The following CCNY variants were observed in gnomAD, a reference collection of about 807,000 sequenced individuals.
The protein encoded by CCNY is cyclin Y.
In CCNY, 19 loss-of-function variants were observed where a neutral mutation model predicts 42.8. The observed-to-expected ratio is 0.44, with a 90% CI of 0.31 to 0.65. The LOEUF (loss-of-function observed/expected upper bound fraction) is 0.65. Ranked by LOEUF, CCNY falls within the 30% of genes least tolerant of loss-of-function variation. The pLI, the probability that CCNY is intolerant of heterozygous loss-of-function variation, is 0.07. For synonymous variants in CCNY, 165 were observed against 162.7 expected (o/e 1.01, Z -0.11); for missense variants, 370 against 437.3 (o/e 0.85, Z 1.37).
intron 3 of CCNY, among the ~76,000 whole-genome samples, chr10:35,322,450 TAC>T (rs1835832425): frequency 6.6e-6 from 1 of 150,506 alleles, no homozygotes; most frequent in Non-Finnish European, 1.5e-5. Flanking sequence ...GATAATTGAA[TAC>T]ACACACACAA....
At chr10:35,534,976 T>C (rs28706360) in intron 7 of CCNY, among the ~76,000 whole-genome samples, 4,867 of 126,784 alleles carry the variant, frequency 0.038, 96 homozygotes, top group Admixed American at 0.067. Flanking sequence ...CACACACACA[T>C]ATATATATAT....
chr10:35,511,317 A>G (rs1399533689), intron 3 of CCNY, among the ~76,000 whole-genome samples: 2 of 152,180 alleles, frequency 1.3e-5, no homozygotes, highest in Non-Finnish European at 2.9e-5. Flanking sequence ...GACATATAGA[A>G]AAGTGAGCCA....
intron 2 of CCNY, among the ~76,000 whole-genome samples, chr10:35,499,174 C>T (rs1236790860): frequency 2.0e-5 from 3 of 151,980 alleles, no homozygotes; most frequent in East Asian, 1.9e-4. Context: ...TTTCACACTG[C>T]TGATAAAGAT....
chr10:35,378,939 G>C (rs957897763), intron 1 of CCNY, among the ~76,000 whole-genome samples: 2 of 152,186 alleles, frequency 1.3e-5, no homozygotes, highest in Non-Finnish European at 1.5e-5. Context: ...GAGAAGCTGA[G>C]ACAGAGGTTT....
At chr10:35,497,521 T>C (rs1840024993) in intron 2 of CCNY, among the ~76,000 whole-genome samples, 1 of 152,196 alleles carries the variant, frequency 6.6e-6, no homozygotes, top group African/African-American at 2.4e-5. Context: ...GTGGATCACT[T>C]GAGGTGAGGA....
At chr10:35,567,672 C>T (rs1467606140) in intron 9 of CCNY, among the ~76,000 whole-genome samples, 2 of 152,144 alleles carry the variant, frequency 1.3e-5, no homozygotes, top group Non-Finnish European at 2.9e-5. Flanking sequence ...GAGAAGAAAC[C>T]TGTTATGGAT....
intron 3 of CCNY, among the ~76,000 whole-genome samples, chr10:35,260,470 C>T (rs951076352): frequency 2.0e-5 from 3 of 152,264 alleles, no homozygotes; most frequent in East Asian, 3.9e-4. Flanking sequence ...TCTGGGACCC[C>T]GATCAGGGAT....
chr10:35,430,115 A>C (rs1231354195), intron 1 of CCNY, among the ~76,000 whole-genome samples: 1 of 151,788 alleles, frequency 6.6e-6, no homozygotes, highest in African/African-American at 2.4e-5. Context: ...AGGCGGGCGG[A>C]TCACGAGGTC....
chr10:35,412,417 A>G (rs1397382296), intron 1 of CCNY, among the ~76,000 whole-genome samples: 1 of 152,210 alleles, frequency 6.6e-6, no homozygotes, highest in African/African-American at 2.4e-5. Context: ...ATTGCTATAC[A>G]ACTTGACAGA....
At chr10:35,247,258 T>G (rs2095708653) in intron 1 of CCNY, 1 of 152,718 alleles carries the variant, frequency 6.5e-6, no homozygotes, top group African/African-American at 2.4e-5. Flanking sequence ...CCAGGAGACT[T>G]GAGAGGTCAG....
At chr10:35,306,691 C>T (rs1228079332) in intron 3 of CCNY, among the ~76,000 whole-genome samples, 14 of 152,192 alleles carry the variant, frequency 9.2e-5, no homozygotes, top group Non-Finnish European at 1.5e-5. Context: ...CCTTCTCCCA[C>T]ATGCCCTCTC....
At position 35,532,631 on chromosome 10, in the gene CCNY, A is replaced by G. The variant is rs12241755; in HGVS notation, c.579+2388A>G. On this transcript the variant is annotated intron_variant, in intron 7 of 9. Transcript: ENST00000374704. Reference sequence around the variant, plus strand: ...AGGAAATTTGAAAGGGAGTGAGGTAATTGATTTGCACCTTGATGAGTTATG... The same window carrying G: ...AGGAAATTTGAAAGGGAGTGAGGTAGTTGATTTGCACCTTGATGAGTTATG... 8.2e-3 allele frequency among the ~76,000 whole-genome samples: 1,253 copies of G among 152,318 alleles called. 22 individuals carry two copies. Among genetic ancestry groups the G allele is most frequent in the African/African-American group, 0.029 (1,197 of 41,556 alleles).
At chr10:35,266,539 C>G (rs770933327) in intron 3 of CCNY, among the ~76,000 whole-genome samples, 6 of 152,018 alleles carry the variant, frequency 3.9e-5, no homozygotes, top group Non-Finnish European at 8.8e-5. Context: ...TATTACTTCC[C>G]CATATAGAGG....
intron 4 of CCNY, among the ~76,000 whole-genome samples, 187 bp from the exon 5 acceptor site, chr10:35,525,777 A>G: frequency 6.6e-6 from 1 of 152,206 alleles, no homozygotes; most frequent in East Asian, 1.9e-4. Flanking sequence ...CCTGGGAATT[A>G]GTGCCACATT....
chr10:35,320,216 CTTAG>C (rs1401377393), intron 3 of CCNY, among the ~76,000 whole-genome samples: 1 of 152,034 alleles, frequency 6.6e-6, no homozygotes, highest in Non-Finnish European at 1.5e-5. Context: ...TGCAAACATC[CTTAG>C]TTAAATTTTT....
chr10:35,361,826 T>C (rs1036896911), intron 1 of CCNY, among the ~76,000 whole-genome samples: 6 of 152,148 alleles, frequency 3.9e-5, no homozygotes, highest in African/African-American at 1.2e-4. Flanking sequence ...GATCTGAAAA[T>C]CTGAAATCAG....
chr10:35,303,157 C>G (rs1236129921), intron 3 of CCNY, among the ~76,000 whole-genome samples: 2 of 152,104 alleles, frequency 1.3e-5, no homozygotes, highest in Non-Finnish European at 2.9e-5. Context: ...CCACTGCACT[C>G]CAGCATGGGT....
intron 1 of CCNY, among the ~76,000 whole-genome samples, chr10:35,421,474 G>A (rs1452456104): frequency 6.6e-6 from 1 of 152,088 alleles, no homozygotes; most frequent in African/African-American, 2.4e-5. Context: ...TAGAACCCCC[G>A]ACCCAGGGAA....
intron 3 of CCNY, among the ~76,000 whole-genome samples, chr10:35,512,639 G>A (rs1175209467): frequency 1.3e-5 from 2 of 152,144 alleles, no homozygotes; most frequent in Admixed American, 6.5e-5. Context: ...TGAAGAAGCC[G>A]AGGGACTAAT....
Sources: gnomAD v4.1 joint callset for allele counts (sites outside exome capture counted in the v4.1 genomes callset) on GRCh38, gnomAD v4.1.1 for gene constraint, MANE v1.5 for transcripts, NCBI Gene and HGNC (gene_info 2026-07-23, HGNC 2026-07-21) for gene names.